The following CNTLN variants were observed in gnomAD, a reference collection of about 807,000 sequenced individuals.
The protein encoded by CNTLN is centlein, centrosomal protein.
A neutral mutation model predicts 180.0 loss-of-function variants in CNTLN; 212 were observed. The observed-to-expected ratio is 1.18, with a 90% confidence interval of 1.05 to 1.32. CNTLN has a LOEUF of 1.32. CNTLN is among the 40% of genes most tolerant of loss of function. The pLI is 0.00. For missense variants in CNTLN, 2,095 were observed against 1,610.9 expected (o/e 1.30, Z -5.14); for synonymous variants, 722 against 563.1 (o/e 1.28, Z -3.99).
At chr9:17,239,497 T>A (rs541641943) in intron 5 of CNTLN, among the ~76,000 whole-genome samples, 1 of 152,246 alleles carries the variant, frequency 6.6e-6, no homozygotes, top group Non-Finnish European at 1.5e-5. Context: ...ATCTACTTTT[T>A]TTGGTGTTAC....
intron 5 of CNTLN, among the ~76,000 whole-genome samples, chr9:17,252,186 C>G (rs1025785348): frequency 4.0e-5 from 6 of 151,652 alleles, no homozygotes; most frequent in Admixed American, 2.6e-4. Context: ...TGAATAATGC[C>G]ACAATAAATG....
intron 20 of CNTLN, among the ~76,000 whole-genome samples, chr9:17,463,419 G>A (rs563273819): frequency 4.0e-5 from 6 of 151,472 alleles, no homozygotes; most frequent in Non-Finnish European, 4.4e-5. Flanking sequence ...AATAACTGGA[G>A]GTTATGGAAG....
rs149328815 is a variant in CNTLN, at chr9:17,177,574, G to A, written c.449+34198G>A. ...TTTGTTCCTTCTGATGGTCGGATAT[G>A]TTCGGAGTTTCTTCCTTCTGGTGGG... On this transcript the variant is annotated intron_variant, in intron 2 of 25. Transcript: ENST00000380647. Among the ~76,000 whole-genome samples, 61 of 152,278 alleles carry A rather than the reference G, an allele frequency of 4.0e-4. No homozygotes were observed. In the East Asian group the frequency reaches 9.1e-3, roughly 23 times the overall value.
intron 12 of CNTLN, among the ~76,000 whole-genome samples, chr9:17,360,991 C>G (rs909468307): frequency 1.3e-5 from 2 of 152,094 alleles, no homozygotes; most frequent in Non-Finnish European, 2.9e-5. Context: ...TTTCTGTCCA[C>G]TTTTTCCATC....
rs1234916287 is a variant in CNTLN at position 17,309,130 on chromosome 9, A to C, written c.1219A>C (p.Asn407His). Residue 407 changes from asparagine (N) to histidine (H), a missense_variant, in exon 8 of 26, where the codon AAT becomes CAT. Coordinates refer to ENST00000380647, the MANE Select transcript of CNTLN (RefSeq NM_017738.4). ...AGCTATGCTCCGGCAAAGTGTTACT[A>C]ATCTTCAGGATCAGCTATTACAAAA... is the stretch of plus-strand genomic sequence containing the variant. Reference protein sequence around the residue: ...NEAMLRQSVTNLQDQLLQKEQ... With the variant: ...NEAMLRQSVTHLQDQLLQKEQ... 1 of 1,610,230 alleles carries C rather than the reference A, an allele frequency of 6.2e-7. No individual in the cohort carries two copies. The highest frequency in any genetic ancestry group is 1.3e-5 in the African/African-American group (1 of 74,788).
chr9:17,351,770 T>A (rs1040886103), intron 12 of CNTLN, among the ~76,000 whole-genome samples: 3 of 152,206 alleles, frequency 2.0e-5, no homozygotes, highest in African/African-American at 7.2e-5. Flanking sequence ...AGATTGACCT[T>A]TTAAACTATA....
intron 2 of CNTLN, among the ~76,000 whole-genome samples, chr9:17,147,297 G>A (rs1818522796): frequency 6.6e-6 from 1 of 152,188 alleles, no homozygotes; most frequent in Non-Finnish European, 1.5e-5. Context: ...CTGGACAAAT[G>A]ATTTTGAATG....
intron 15 of CNTLN, among the ~76,000 whole-genome samples, chr9:17,397,237 G>A (rs781780338): frequency 2.0e-5 from 3 of 152,148 alleles, no homozygotes; most frequent in African/African-American, 4.8e-5. Flanking sequence ...TGGATCTCAC[G>A]CAAGAAAGAA....
At chr9:17,522,878 T>G in the CNTLN span, among the ~76,000 whole-genome samples, 1 of 151,704 alleles carries the variant, frequency 6.6e-6, no homozygotes, top group Admixed American at 6.6e-5. Flanking sequence ...GATTCCTGTC[T>G]ACTTCTCCAA....
intron 2 of CNTLN, among the ~76,000 whole-genome samples, chr9:17,199,455 C>G (rs1343055146): frequency 6.6e-6 from 1 of 152,094 alleles, no homozygotes; most frequent in Non-Finnish European, 1.5e-5. Flanking sequence ...TCGTGATCCA[C>G]CCTCCTTGGC....
chr9:17,389,002 A>G (rs995770986), intron 14 of CNTLN, among the ~76,000 whole-genome samples: 12 of 151,974 alleles, frequency 7.9e-5, no homozygotes, highest in East Asian at 3.8e-4. Context: ...GCTACATTAG[A>G]TTGATTTTAG....
intron 2 of CNTLN, among the ~76,000 whole-genome samples, chr9:17,196,255 C>G (rs1333460506): frequency 9.9e-5 from 15 of 152,110 alleles, no homozygotes; most frequent in Admixed American, 9.8e-4. Context: ...AACTCTTGAC[C>G]TCAGGTGATC....
At position 17,149,611 on chromosome 9, in the gene CNTLN, G is replaced by A. The variant is rs575403635; in HGVS notation, c.449+6235G>A. ...CAGCTCACTGCAAGCTCTGCCTCCCGGGTTCATGCCATTCTCCTGCCTCAG... is the reference window on the plus strand; with the variant it reads ...CAGCTCACTGCAAGCTCTGCCTCCCAGGTTCATGCCATTCTCCTGCCTCAG... On this transcript the variant is annotated intron_variant, in intron 2 of 25. Transcript: ENST00000380647. Among the ~76,000 whole-genome samples, 61 of 147,194 alleles carry A rather than the reference G, an allele frequency of 4.1e-4. 2 individuals carry two copies. In the South Asian group the frequency reaches 6.8e-3, roughly 17 times the overall value.
At chr9:17,429,254 A>C (rs1256926412) in intron 18 of CNTLN, among the ~76,000 whole-genome samples, 1 of 152,052 alleles carries the variant, frequency 6.6e-6, no homozygotes, top group East Asian at 1.9e-4. Context: ...AATATATAAG[A>C]CTTCTTAGCT....
intron 18 of CNTLN, among the ~76,000 whole-genome samples, chr9:17,433,647 A>T (rs1346961996): frequency 6.6e-6 from 1 of 151,702 alleles, no homozygotes; most frequent in East Asian, 1.9e-4. Flanking sequence ...GTTGTTGTTG[A>T]GACAGGGTCT....
At chr9:17,180,963 T>C (rs926852674) in intron 2 of CNTLN, among the ~76,000 whole-genome samples, 3 of 152,324 alleles carry the variant, frequency 2.0e-5, no homozygotes, top group African/African-American at 4.8e-5. Context: ...TCTGTGTCAC[T>C]ATCTTCAAGA....
At chr9:17,248,128 G>A (rs189737090) in intron 5 of CNTLN, among the ~76,000 whole-genome samples, 4 of 152,180 alleles carry the variant, frequency 2.6e-5, no homozygotes, top group South Asian at 2.1e-4. Flanking sequence ...ACCCAGCCTC[G>A]TCTTTCACTA....
At chr9:17,456,113 C>T (rs1224866480) in intron 18 of CNTLN, among the ~76,000 whole-genome samples, 1 of 152,000 alleles carries the variant, frequency 6.6e-6, no homozygotes, top group Non-Finnish European at 1.5e-5. Context: ...AAATGAGAAA[C>T]ACTGTGTAAT....
rs1422875354 is a variant in CNTLN, at chr9:17,306,144, C to CCATTTTTTTTTTT, written c.1147-2914_1147-2913insCATTTTTTTTTTT. 1.7e-5 allele frequency among the ~76,000 whole-genome samples: 2 copies of CCATTTTTTTTTTT among 120,186 alleles called. 1 individual carries two copies. Among genetic ancestry groups the CCATTTTTTTTTTT allele is most frequent in the Non-Finnish European group, 3.3e-5 (2 of 59,744 alleles). 78.8% of individuals were successfully genotyped at this position (120,186 alleles called of 152,430 possible). ...ACACAAGAAGGGTGCTATTAGTCGT[C>CCATTTTTTTTTTT]TATTTTTTTTTTTTTTTTTTTTTGA... On this transcript the variant is annotated intron_variant, in intron 7 of 25. Transcript: ENST00000380647.
Sources: gnomAD v4.1 joint callset for allele counts (sites outside exome capture counted in the v4.1 genomes callset) on GRCh38, gnomAD v4.1.1 for gene constraint, MANE v1.5 for transcripts, NCBI Gene and HGNC (gene_info 2026-07-23, HGNC 2026-07-21) for gene names.